PPHLN1: variants seen among roughly 807,000 people sequenced by gnomAD.
PPHLN1 encodes the protein periphilin 1, also known as periphilin-1.
In PPHLN1, 29 loss-of-function variants were observed where a neutral mutation model predicts 51.3. The observed-to-expected ratio is 0.57, with a 90% CI of 0.42 to 0.77. The LOEUF (loss-of-function observed/expected upper bound fraction) is 0.77. PPHLN1 is among the 30% of genes least tolerant of loss of function. The pLI, the probability that PPHLN1 is intolerant of heterozygous loss-of-function variation, is 0.00. For missense variants in PPHLN1, 436 were observed against 438.4 expected (o/e 0.99, Z 0.05); for synonymous variants, 147 against 147.8 (o/e 0.99, Z 0.04).
At chr12:42,437,618 T>A (rs2082595767) in intron 9 of PPHLN1, among the ~76,000 whole-genome samples, 1 of 152,194 alleles carries the variant, frequency 6.6e-6, no homozygotes, top group African/African-American at 2.4e-5. Flanking sequence ...TTTCCCCTAT[T>A]ATTAACATTT....
chr12:42,392,052 A>G (rs553482124), intron 7 of PPHLN1, among the ~76,000 whole-genome samples: 1 of 152,254 alleles, frequency 6.6e-6, no homozygotes, highest in South Asian at 2.1e-4. Flanking sequence ...TCCTGTCTCT[A>G]CTAAAAATAC....
At chr12:42,414,926 C>T (rs528855987) in intron 9 of PPHLN1, among the ~76,000 whole-genome samples, 42 of 152,246 alleles carry the variant, frequency 2.8e-4, no homozygotes, top group African/African-American at 8.7e-4. Flanking sequence ...TGTATTTAAA[C>T]GTTTTATAAT....
intron 5 of PPHLN1, among the ~76,000 whole-genome samples, chr12:42,376,827 T>G (rs2076307550): frequency 1.3e-5 from 2 of 152,102 alleles, no homozygotes; most frequent in Admixed American, 6.5e-5. Context: ...ATAAGCCACT[T>G]CCATATATAT....
intron 9 of PPHLN1, among the ~76,000 whole-genome samples, chr12:42,421,811 A>G (rs1039822781): frequency 1.3e-5 from 2 of 152,052 alleles, no homozygotes; most frequent in Non-Finnish European, 2.9e-5. Context: ...ATTTAAGTGG[A>G]TCAGATCAGA....
intron 5 of PPHLN1, among the ~76,000 whole-genome samples, chr12:42,378,669 T>G (rs1669909): frequency 0.5 from 75,226 of 151,800 alleles, 18,949 homozygotes; most frequent in Admixed American, 0.56. Context: ...TATTGGTTTG[T>G]CTATAGTGAT....
intron 4 of PPHLN1, among the ~76,000 whole-genome samples, chr12:42,357,631 A>T (rs891956814): frequency 6.6e-6 from 1 of 152,194 alleles, no homozygotes; most frequent in Non-Finnish European, 1.5e-5. Flanking sequence ...CAGAATTGTA[A>T]AACACTTTTA....
At chr12:42,386,781 G>T (rs1175477587) in intron 6 of PPHLN1, among the ~76,000 whole-genome samples, 1 of 152,116 alleles carries the variant, frequency 6.6e-6, no homozygotes, top group Admixed American at 6.6e-5. Flanking sequence ...ACCTGCTAAA[G>T]TACTATTGTT....
At chr12:42,331,719 A>G (rs2069761097) in intron 1 of PPHLN1, 1 of 152,194 alleles carries the variant, frequency 6.6e-6, no homozygotes, top group Non-Finnish European at 1.5e-5. Context: ...TCTTTGCCTA[A>G]TTGTGATGTA....
rs1162642704 is a variant in PPHLN1 at position 42,441,553 on chromosome 12, A to C, written c.*44A>C. The C allele has an allele frequency of 1.8e-5, 26 of 1,479,616 alleles. No individual in the cohort carries two copies. In the Admixed American group the frequency reaches 6.5e-4, roughly 37 times the overall value. The allele number at this position is 1,479,616 out of a possible 1,614,324, so 91.7% of individuals were successfully genotyped here. A position where few individuals can be genotyped will look rare whatever the true frequency, so the allele number is the denominator to read the frequency against. ...AAAAAAAAAAAAAACAGTTTCTAAA[A>C]ATTTTTTTTCCTGGATTGTGTAAAT... On this transcript the variant is annotated 3_prime_UTR_variant, in exon 10 of 10. Coordinates refer to ENST00000358314, the MANE Select transcript of PPHLN1 (RefSeq NM_201439.2).
chr12:42,365,749 T>G (rs185316123), intron 4 of PPHLN1, among the ~76,000 whole-genome samples: 1 of 152,324 alleles, frequency 6.6e-6, no homozygotes, highest in Non-Finnish European at 1.5e-5. Flanking sequence ...GTTTGCGATA[T>G]AGCCAAAGAC....
At position 42,441,295 on chromosome 12, in the gene PPHLN1, GA is replaced by G. The variant is rs748889727; in HGVS notation, c.910-18del. ...AGTTATTTTCATTCTCAGCTAACCA[GA>G]ATGTGTTTTACCTTTTAGGTTTACC... On this transcript the variant is annotated intron_variant, in intron 9 of 9. Transcript: ENST00000358314. The G allele has an allele frequency of 1.3e-6, 2 of 1,587,140 alleles. No homozygotes were observed. The highest frequency in any genetic ancestry group is 1.7e-6 in the Non-Finnish European group (2 of 1,164,530).
chr12:42,328,134 A>G (rs2069092837), intron 1 of PPHLN1, among the ~76,000 whole-genome samples: 1 of 152,122 alleles, frequency 6.6e-6, no homozygotes, highest in Non-Finnish European at 1.5e-5. Flanking sequence ...TGTGGAGAAT[A>G]ATAGGTTTTG....
At chr12:42,363,161 A>C (rs1035396647) in intron 4 of PPHLN1, among the ~76,000 whole-genome samples, 3 of 152,172 alleles carry the variant, frequency 2.0e-5, no homozygotes, top group African/African-American at 7.2e-5. Context: ...TCCAGGAAAC[A>C]GTAACAGTCT....
At chr12:42,332,668 T>A in intron 1 of PPHLN1, 3 of 1,579,028 alleles carry the variant, frequency 1.9e-6, no homozygotes, top group Non-Finnish European at 2.6e-6. Context: ...AGGAAATTGT[T>A]GAAAACGTTA....
In PPHLN1 at chr12:42,393,590, G is replaced by A. The variant is rs2077924801; in HGVS notation, c.669G>A (p.Arg223=). 6.2e-7 allele frequency: 1 copy of A among 1,609,202 alleles called. No individual in the cohort carries two copies. Among genetic ancestry groups the A allele is most frequent in the African/African-American group, 1.3e-5 (1 of 74,624 alleles). Residue 223 remains arginine (R), a synonymous_variant, in exon 8 of 10, where the codon AGG becomes AGA. Transcript: ENST00000358314. ...SSSKVLDKPS[R]LTEKELAEAA... ...ATTAGGTGTTAGACAAACCCAGTAGGCTAACTGAAAAGGAACTTGCTGAGG... is the reference window on the plus strand; with the variant it reads ...ATTAGGTGTTAGACAAACCCAGTAGACTAACTGAAAAGGAACTTGCTGAGG...
At chr12:42,329,083 C>T (rs1474599486) in intron 1 of PPHLN1, among the ~76,000 whole-genome samples, 1 of 147,932 alleles carries the variant, frequency 6.8e-6, no homozygotes, top group Middle Eastern at 3.2e-3. Flanking sequence ...GTTTAGTTGT[C>T]TGGAATTTCA....
At chr12:42,439,355 AAT>A (rs1306767190) in intron 9 of PPHLN1, among the ~76,000 whole-genome samples, 1 of 152,210 alleles carries the variant, frequency 6.6e-6, no homozygotes, top group African/African-American at 2.4e-5. Flanking sequence ...TTCTCCATTG[AAT>A]TACTTCTGTG....
chr12:42,342,234 CATT>C (rs1487862385), intron 2 of PPHLN1, among the ~76,000 whole-genome samples: 1 of 119,436 alleles, frequency 8.4e-6, no homozygotes, highest in Admixed American at 8.4e-5. Flanking sequence ...GAATGGCATT[CATT>C]CATTCATTCA....
At chr12:42,379,354 CTAGT>C in intron 5 of PPHLN1, among the ~76,000 whole-genome samples, 1 of 151,916 alleles carries the variant, frequency 6.6e-6, no homozygotes, top group East Asian at 1.9e-4. Context: ...CTACTTAATA[CTAGT>C]TATTCTTCTT....
Sources: gnomAD v4.1 joint callset for allele counts (sites outside exome capture counted in the v4.1 genomes callset) on GRCh38, gnomAD v4.1.1 for gene constraint, MANE v1.5 for transcripts, NCBI Gene and HGNC (gene_info 2026-07-23, HGNC 2026-07-21) for gene names.